MTHFSD: variants seen among roughly 807,000 people sequenced by gnomAD.
MTHFSD encodes methenyltetrahydrofolate synthetase domain containing.
MTHFSD carries 37 observed loss-of-function variants against 31.1 expected under a neutral mutation model. That is an observed-to-expected ratio of 1.19 (90% CI 0.91 to 1.56). The LOEUF (loss-of-function observed/expected upper bound fraction) is 1.56, where lower values mean the gene tolerates loss of function less well. MTHFSD is among the 40% of genes most tolerant of loss of function. The pLI is 0.00. For missense variants in MTHFSD, 664 were observed against 510.1 expected (o/e 1.30, Z -2.91); for synonymous variants, 221 against 206.9 (o/e 1.07, Z -0.59).
intron 3 of MTHFSD, among the ~76,000 whole-genome samples, chr16:86,548,988 A>AT (rs1972740735): frequency 6.6e-6 from 1 of 152,224 alleles, no homozygotes; most frequent in African/African-American, 2.4e-5. Flanking sequence ...AGAAACTGGC[A>AT]TGGCATAGCT....
rs186617444 is a variant in MTHFSD, at chr16:86,554,293, C to T, written c.123+352G>A. Among the ~76,000 whole-genome samples, 603 of 152,314 alleles carry T rather than the reference C, an allele frequency of 4.0e-3. 2 individuals are homozygous for T. Among genetic ancestry groups the T allele is most frequent in the Non-Finnish European group, 4.5e-3 (304 of 68,020 alleles). ...CAGAAGGAAGAAACTCTGAACACAT[C>T]CAAACATCAGAAGGAACAAACTCCA... On this transcript the variant is annotated intron_variant, in intron 2 of 7. Transcript: ENST00000360900.
intron 2 of MTHFSD, among the ~76,000 whole-genome samples, chr16:86,554,145 T>G (rs1169927410): frequency 1.3e-5 from 2 of 152,144 alleles, no homozygotes; most frequent in African/African-American, 4.8e-5. Flanking sequence ...GTGGAAGGTT[T>G]GTTCTTTGCA....
chr16:86,555,059 G>T, intron 1 of MTHFSD, 110 bp downstream of exon 1: 2 of 1,478,456 alleles, frequency 1.4e-6, no homozygotes, highest in Non-Finnish European at 1.8e-6. Context: ...GCCGCTTCCG[G>T]TGATTCTGCC....
At chr16:86,554,898 G>T (rs910651127) in intron 1 of MTHFSD, 147 bp from the exon 2 acceptor site, 2 of 1,050,064 alleles carry the variant, frequency 1.9e-6, no homozygotes, top group East Asian at 2.6e-5. Context: ...CGACCTCAAG[G>T]GGCCCACGGG....
At chr16:86,555,047 C>G in intron 1 of MTHFSD, 122 bp downstream of exon 1, 1 of 1,470,176 alleles carries the variant, frequency 6.8e-7, no homozygotes. Flanking sequence ...CTGACCTCCT[C>G]GGCCGCTTCC....
intron 7 of MTHFSD, among the ~76,000 whole-genome samples, chr16:86,536,590 C>T (rs914440861): frequency 5.3e-5 from 8 of 152,336 alleles, no homozygotes; most frequent in South Asian, 2.1e-4. Flanking sequence ...GCGCTGCGTT[C>T]GACTGTACCC....
chr16:86,530,625 AAAAAT>A lies in MTHFSD; in HGVS notation c.*1381_*1385del, dbSNP rs1257460676. The A allele has an allele frequency of 6.6e-6, 1 of 152,208 alleles. No individual in the cohort carries two copies. The highest frequency in any genetic ancestry group is 1.5e-5 in the Non-Finnish European group (1 of 68,044). 9.4% of individuals were successfully genotyped at this position (152,208 alleles called of 1,614,324 possible). On this transcript the variant is annotated 3_prime_UTR_variant, in exon 8 of 8. Coordinates refer to ENST00000360900, the MANE Select transcript of MTHFSD (RefSeq NM_001159377.2). ...ACAGGAAAAAGGTAAACAAAAAAAA[AAAAAT>A]AAGAATCTTTCAGAAAAAGAAGTAT...
intron 4 of MTHFSD, chr16:86,548,089 C>A: frequency 7.7e-7 from 1 of 1,292,550 alleles, no homozygotes; most frequent in Non-Finnish European, 1.0e-6. Flanking sequence ...TCTATCCTGT[C>A]TCCCCAGTCG....
intron 5 of MTHFSD, 139 bp downstream of exon 5, chr16:86,546,420 A>C: frequency 1.4e-6 from 1 of 729,432 alleles, no homozygotes. Context: ...ACCTCTGAAA[A>C]ATGCAGCGGC....
At position 86,554,491 on chromosome 16, in the gene MTHFSD, G is replaced by A. The variant is rs75009657; in HGVS notation, c.123+154C>T. ...AGTAAATGACGTCTCTAAATGCTAA[G>A]GACGCCCTGGCCAAATGGCTTTGAT... On this transcript the variant is annotated intron_variant, in intron 2 of 7. Transcript: ENST00000360900. Among the ~76,000 whole-genome samples the A allele has an allele frequency of 4.3e-3, 649 of 152,314 alleles. 16 individuals are homozygous for A. In the East Asian group the frequency reaches 0.068, roughly 16 times the overall value.
chr16:86,534,582 G>T (rs1970418184), intron 7 of MTHFSD, among the ~76,000 whole-genome samples: 1 of 151,800 alleles, frequency 6.6e-6, no homozygotes, highest in East Asian at 1.9e-4. Flanking sequence ...AGGCTTTTGT[G>T]TTTTTTTTGA....
chr16:86,541,239 T>A (rs1295080222), intron 7 of MTHFSD: 7 of 1,288,684 alleles, frequency 5.4e-6, no homozygotes, highest in Non-Finnish European at 7.1e-6. Flanking sequence ...GTACAAAGGC[T>A]TGGTACTGCC....
intron 7 of MTHFSD, among the ~76,000 whole-genome samples, chr16:86,540,516 A>T (rs1011663564): frequency 1.4e-4 from 21 of 152,320 alleles, no homozygotes; most frequent in African/African-American, 4.6e-4. Flanking sequence ...ATACGGCTGC[A>T]ATGGGCCCCT....
intron 3 of MTHFSD, 47 bp from the exon 4 acceptor site, chr16:86,548,624 A>C: frequency 6.9e-7 from 1 of 1,449,116 alleles, no homozygotes; most frequent in South Asian, 1.2e-5. Context: ...AAATTATTCC[A>C]TAGGACTTTC....
intron 2 of MTHFSD, 120 bp downstream of exon 2, chr16:86,554,525 A>G (rs1036756213): frequency 8.7e-6 from 7 of 801,634 alleles, no homozygotes; most frequent in African/African-American, 5.1e-5. Flanking sequence ...ATTTCACACC[A>G]CTGCTCACTG....
At chr16:86,541,415 C>T (rs933166040) in intron 7 of MTHFSD, 11 of 588,980 alleles carry the variant, frequency 1.9e-5, no homozygotes, top group Non-Finnish European at 3.1e-5. Flanking sequence ...GCAAGTAAAG[C>T]TTCAAGGCAT....
At chr16:86,534,470 G>A (rs1970404561) in intron 7 of MTHFSD, among the ~76,000 whole-genome samples, 1 of 152,214 alleles carries the variant, frequency 6.6e-6, no homozygotes, top group Admixed American at 6.5e-5. Flanking sequence ...AGGGAAGCTT[G>A]AGGTGCTACT....
At position 86,545,831 on chromosome 16, in the gene MTHFSD, G is replaced by A. The variant is rs552959249; in HGVS notation, c.442+728C>T. The stretch of plus-strand genomic sequence containing the variant: ...TGTAGCAGGTATACCAGAACAGTGC[G>A]CTCCTGAGTCCCCAGCCCCGATGAC... On this transcript the variant is annotated intron_variant, in intron 5 of 7. Transcript: ENST00000360900. 1.8e-4 allele frequency among the ~76,000 whole-genome samples: 27 copies of A among 152,310 alleles called. No homozygotes were observed. In the South Asian group the frequency reaches 2.5e-3, roughly 14 times the overall value.
intron 7 of MTHFSD, among the ~76,000 whole-genome samples, chr16:86,537,504 G>C (rs1044244249): frequency 1.3e-5 from 2 of 152,076 alleles, no homozygotes; most frequent in African/African-American, 2.4e-5. Flanking sequence ...CTGATTCCTA[G>C]AAGGTAAATT....
Sources: gnomAD v4.1 joint callset for allele counts (sites outside exome capture counted in the v4.1 genomes callset) on GRCh38, gnomAD v4.1.1 for gene constraint, MANE v1.5 for transcripts, NCBI Gene and HGNC (gene_info 2026-07-23, HGNC 2026-07-21) for gene names.